Variants in NPAS3 observed in about 807,000 individuals in gnomAD.
NPAS3 encodes neuronal PAS domain-containing protein 3.
In NPAS3, 14 loss-of-function variants were observed where a neutral mutation model predicts 73.1. The observed-to-expected ratio is 0.19, with a 90% confidence interval of 0.13 to 0.30. NPAS3 has a LOEUF of 0.30. NPAS3 is among the 10% of genes least tolerant of loss of function. NPAS3 has a pLI of 1.00. For synonymous variants in NPAS3, 620 were observed against 541.5 expected, an observed-to-expected ratio of 1.14 and a Z score of -2.01; for missense variants, 1,096 against 1,250.0, an observed-to-expected ratio of 0.88 and a Z score of 1.86.
intron 2 of NPAS3, among the ~76,000 whole-genome samples, chr14:33,118,565 A>C (rs1008239103): frequency 6.6e-6 from 1 of 152,130 alleles, no homozygotes; most frequent in Non-Finnish European, 1.5e-5. Flanking sequence ...AATTAAAACA[A>C]CTTTCTTGTT....
intron 1 of NPAS3, among the ~76,000 whole-genome samples, chr14:32,943,170 G>A (rs533095781): frequency 1.3e-5 from 2 of 151,826 alleles, no homozygotes; most frequent in African/African-American, 4.8e-5. Context: ...AACATTATTC[G>A]ATACTTTTTT....
At chr14:33,351,717 A>G (rs964472454) in intron 3 of NPAS3, among the ~76,000 whole-genome samples, 7 of 152,344 alleles carry the variant, frequency 4.6e-5, no homozygotes, top group African/African-American at 1.7e-4. Context: ...GGATTTTCAT[A>G]TATGCCAAGA....
intron 5 of NPAS3, among the ~76,000 whole-genome samples, chr14:33,641,858 G>A (rs2058684012): frequency 6.6e-6 from 1 of 151,978 alleles, no homozygotes; most frequent in African/African-American, 2.4e-5. Context: ...AATTGAATTG[G>A]TGGAGGAAAA....
chr14:33,123,651 C>T (rs780600402), intron 2 of NPAS3, among the ~76,000 whole-genome samples: 1 of 151,494 alleles, frequency 6.6e-6, no homozygotes, highest in Non-Finnish European at 1.5e-5. Context: ...TATGTAGGCC[C>T]CAAGAAAAAG....
chr14:33,223,318 A>C (rs1443811143), intron 3 of NPAS3, among the ~76,000 whole-genome samples: 1 of 152,172 alleles, frequency 6.6e-6, no homozygotes, highest in Non-Finnish European at 1.5e-5. Context: ...TGTCAAAAGC[A>C]AAACAAAACT....
chr14:33,455,824 T>C (rs1045731987), intron 4 of NPAS3, among the ~76,000 whole-genome samples: 3 of 150,414 alleles, frequency 2.0e-5, no homozygotes, highest in African/African-American at 7.4e-5. Flanking sequence ...TTAACAGCCT[T>C]TGTTATGCAT....
intron 5 of NPAS3, among the ~76,000 whole-genome samples, chr14:33,615,211 G>A (rs540825961): frequency 8.0e-4 from 122 of 152,318 alleles, no homozygotes; most frequent in African/African-American, 2.8e-3. Flanking sequence ...AGAACTGTCA[G>A]TATAAGCTAA....
chr14:33,086,870 A>G (rs369802908), intron 2 of NPAS3, among the ~76,000 whole-genome samples: 9 of 151,960 alleles, frequency 5.9e-5, no homozygotes, highest in African/African-American at 1.7e-4. Flanking sequence ...TAATTTGCTA[A>G]TTCTCCATGC....
At chr14:33,778,399 A>G in intron 8 of NPAS3, 67 bp from the exon 9 acceptor site, 1 of 1,150,542 alleles carries the variant, frequency 8.7e-7, no homozygotes. Flanking sequence ...AACTGTTTCT[A>G]AGTTATTTGA....
intron 4 of NPAS3, among the ~76,000 whole-genome samples, chr14:33,385,488 C>T (rs1004432060): frequency 8.5e-5 from 13 of 152,126 alleles, no homozygotes; most frequent in African/African-American, 2.2e-4. Context: ...AGAGAAACAG[C>T]ACCAGTAGTT....
At chr14:33,598,130 C>A (rs2057299660) in intron 5 of NPAS3, among the ~76,000 whole-genome samples, 1 of 152,216 alleles carries the variant, frequency 6.6e-6, no homozygotes, top group Non-Finnish European at 1.5e-5. Context: ...GTAGGAGGCA[C>A]ATTCTCCCTT....
At chr14:33,087,115 A>G (rs1473566840) in intron 2 of NPAS3, among the ~76,000 whole-genome samples, 5 of 146,172 alleles carry the variant, frequency 3.4e-5, no homozygotes, top group Admixed American at 2.7e-4. Context: ...ATTGTATAAT[A>G]TAGTATACAA....
At chr14:33,263,379 C>G (rs549786203) in intron 3 of NPAS3, among the ~76,000 whole-genome samples, 2 of 152,270 alleles carry the variant, frequency 1.3e-5, no homozygotes, top group African/African-American at 2.4e-5. Flanking sequence ...AATAGGGAAT[C>G]CTTTCTCCAT....
intron 3 of NPAS3, among the ~76,000 whole-genome samples, chr14:33,361,434 G>T (rs538880056): frequency 6.6e-6 from 1 of 152,280 alleles, no homozygotes; most frequent in African/African-American, 2.4e-5. Flanking sequence ...ATTAGACATT[G>T]TATGTTTTCC....
intron 3 of NPAS3, among the ~76,000 whole-genome samples, chr14:33,297,780 G>A (rs557485060): frequency 2.6e-5 from 4 of 152,180 alleles, no homozygotes; most frequent in African/African-American, 4.8e-5. Flanking sequence ...TTCTGAGCTC[G>A]CTAGTTCACT....
At chr14:33,286,346 G>T (rs2041871790) in intron 3 of NPAS3, among the ~76,000 whole-genome samples, 1 of 152,104 alleles carries the variant, frequency 6.6e-6, no homozygotes, top group South Asian at 2.1e-4. Context: ...CGCATTATGT[G>T]AACAATGCTT....
At chr14:33,676,172 A>ATAATGTCTT in intron 5 of NPAS3, 39 bp from the exon 6 acceptor site, 1 of 1,605,734 alleles carries the variant, frequency 6.2e-7, no homozygotes, top group Non-Finnish European at 8.5e-7. Flanking sequence ...AGAAGCCTAT[A>ATAATGTCTT]TAATGTCTTT....
chr14:33,076,720 T>G (rs541677638), intron 2 of NPAS3, among the ~76,000 whole-genome samples: 18 of 152,324 alleles, frequency 1.2e-4, no homozygotes, highest in African/African-American at 4.3e-4. Context: ...AAGGCATAAC[T>G]GAGTAATGTT....
chr14:33,634,555 A>T (rs954126404), intron 5 of NPAS3, among the ~76,000 whole-genome samples: 1 of 152,260 alleles, frequency 6.6e-6, no homozygotes, highest in East Asian at 1.9e-4. Context: ...AGATGTGGAC[A>T]GTAACAGAGA....
Sources: allele counts gnomAD v4.1 joint callset (sites outside exome capture counted in the v4.1 genomes callset), GRCh38; gene constraint gnomAD v4.1.1; transcripts MANE v1.5; gene names NCBI Gene and HGNC (gene_info 2026-07-23, HGNC 2026-07-21).